The following PLCH1 variants were observed in gnomAD, a reference collection of about 807,000 sequenced individuals.
PLCH1 encodes the protein phospholipase C eta 1.
In PLCH1, 60 loss-of-function variants were observed where a neutral mutation model predicts 126.7. That is an observed-to-expected ratio of 0.47 (90% confidence interval 0.38 to 0.59). The LOEUF is 0.59. PLCH1 is among the 20% of genes least tolerant of loss of function. The pLI is 0.00. For missense variants in PLCH1, 1,723 were observed against 2,040.0 expected (o/e 0.84, Z 2.99); for synonymous variants, 719 against 734.9 (o/e 0.98, Z 0.35).
At chr3:155,622,114 T>C (rs1162095715) in intron 2 of PLCH1, among the ~76,000 whole-genome samples, 1 of 152,074 alleles carries the variant, frequency 6.6e-6, no homozygotes, top group Non-Finnish European at 1.5e-5. Flanking sequence ...TATTCAACAT[T>C]CCTAAAAAAA....
intron 4 of PLCH1, among the ~76,000 whole-genome samples, chr3:155,589,619 G>C (rs1057272590): frequency 6.6e-6 from 1 of 152,134 alleles, no homozygotes; most frequent in African/African-American, 2.4e-5. Flanking sequence ...CCCTCATGGG[G>C]TCAAGAGATA....
At chr3:155,467,955 C>T (rs1000712494) in intron 21 of PLCH1, among the ~76,000 whole-genome samples, 2 of 152,110 alleles carry the variant, frequency 1.3e-5, no homozygotes, top group South Asian at 2.1e-4. Flanking sequence ...AAACACAGAG[C>T]ATTATAACAC....
rs1462521902 is a variant in PLCH1, at chr3:155,485,695, C to A, written c.2635G>T (p.Gly879Cys). ...EIYGKNRQLQ[G>C]LKGLFNKNPR... ...TTCTTATTGAACAGTCCCTTCAGAC[C>A]CTGGAGTTGTCTGTTCTGAAGACAC... The change falls in exon 22 of 23, where the codon GGT becomes TGT. Residue 879 changes from glycine to cysteine, a missense_variant. Physicochemically the swap from Gly to Cys is radical, Grantham distance 159 (BLOSUM62 -3). This residue lies in a region of PLCH1 where 947 missense variants were observed against 977.1 expected (regional missense o/e 0.97). Transcript: ENST00000460012. The A allele has an allele frequency of 6.3e-7, 1 of 1,597,390 alleles. No homozygotes were observed. The highest frequency in any genetic ancestry group is 1.1e-5 in the South Asian group (1 of 90,880).
At chr3:155,735,642 A>T (rs1749126223) in intron 1 of PLCH1, among the ~76,000 whole-genome samples, 1 of 152,056 alleles carries the variant, frequency 6.6e-6, no homozygotes, top group African/African-American at 2.4e-5. Context: ...TCAAAAAAAA[A>T]AAAAAAACTG....
At chr3:155,514,451 C>T (rs1720030704) in intron 12 of PLCH1, among the ~76,000 whole-genome samples, 1 of 152,158 alleles carries the variant, frequency 6.6e-6, no homozygotes, top group Non-Finnish European at 1.5e-5. Flanking sequence ...AACTTCTTCC[C>T]TCACCTGAGC....
chr3:155,621,338 A>C (rs968520226), intron 2 of PLCH1, among the ~76,000 whole-genome samples: 4 of 152,202 alleles, frequency 2.6e-5, no homozygotes, highest in South Asian at 2.1e-4. Flanking sequence ...AAATTCCAAA[A>C]ACCAAAATGC....
intron 10 of PLCH1, among the ~76,000 whole-genome samples, chr3:155,537,223 A>AAAAC (rs1723541601): frequency 1.6e-3 from 17 of 10,762 alleles, no homozygotes; most frequent in Non-Finnish European, 0.013. Context: ...AAAAAAAAAA[A>AAAAC]AAAAAAAAAA....
At chr3:155,636,393 G>A (rs748805811) in intron 2 of PLCH1, among the ~76,000 whole-genome samples, 3 of 152,150 alleles carry the variant, frequency 2.0e-5, no homozygotes, top group Non-Finnish European at 4.4e-5. Flanking sequence ...TATCATTTTG[G>A]GAAATTTTTT....
intron 2 of PLCH1, among the ~76,000 whole-genome samples, chr3:155,693,502 A>C (rs1205681181): frequency 6.6e-6 from 1 of 151,632 alleles, no homozygotes; most frequent in Non-Finnish European, 1.5e-5. Context: ...AAAAGAAAGC[A>C]CAGACTTAAA....
rs1403438820 is a variant in PLCH1, at chr3:155,468,822, G to A, written c.2938+16534C>T. ...AGCTAGGCCCCAATACAATAGTAGT[G>A]GGAGACATCAACACTCCACTTTCAG... is the stretch of plus-strand genomic sequence containing the variant. On this transcript the variant is annotated intron_variant, in intron 21 of 21. Transcript: ENST00000494598. Among the ~76,000 whole-genome samples, 6 of 152,092 alleles carry A rather than the reference G, an allele frequency of 3.9e-5. No homozygotes were observed. The East Asian group carries it at 1.2e-3, about 29-fold the overall frequency.
chr3:155,602,740 C>T (rs1204479119), intron 2 of PLCH1, among the ~76,000 whole-genome samples: 1 of 152,074 alleles, frequency 6.6e-6, no homozygotes, highest in Admixed American at 6.5e-5. Context: ...CTCACAGGAA[C>T]CACTGTCATA....
In PLCH1 at chr3:155,549,873, C is replaced by T; in HGVS notation, c.1276G>A (p.Asp426Asn). Residue 426 changes from aspartate (D) to asparagine (N), a missense_variant, in exon 10 of 23, where the codon GAC becomes AAC. Around this residue, in one of 2 missense-constraint regions of PLCH1, gnomAD observed 776 missense variants for 1,062.9 expected, o/e 0.73. Coordinates refer to ENST00000460012, the MANE Select transcript of PLCH1 (RefSeq NM_014996.4). ...IAQYLKGIFG[D>N]KLDLSSVDTG... ...TCAACAGATGACAGGTCCAGTTTGT[C>T]TCCGAATATTCCTTTCAGGTACTGA... 1 of 1,613,840 alleles carries T rather than the reference C, an allele frequency of 6.2e-7. No homozygotes were observed. The highest frequency in any genetic ancestry group is 8.5e-7 in the Non-Finnish European group (1 of 1,179,736).
intron 1 of PLCH1, among the ~76,000 whole-genome samples, chr3:155,720,069 C>T (rs1747834743): frequency 6.6e-6 from 1 of 152,212 alleles, no homozygotes; most frequent in Non-Finnish European, 1.5e-5. Flanking sequence ...GCTGGGATTA[C>T]AGGCGTGAGC....
At chr3:155,568,137 T>C (rs1459968339) in intron 7 of PLCH1, 94 bp downstream of exon 7, 2 of 630,706 alleles carry the variant, frequency 3.2e-6, no homozygotes, top group African/African-American at 1.9e-5. Context: ...ATCCCATGGA[T>C]ATGTCCTGAT....
chr3:155,608,142 G>C (rs540959277), intron 2 of PLCH1, among the ~76,000 whole-genome samples: 32 of 152,258 alleles, frequency 2.1e-4, no homozygotes, highest in Admixed American at 1.9e-3. Flanking sequence ...GAAGCAGCAG[G>C]AACAGCCCTG....
intron 10 of PLCH1, among the ~76,000 whole-genome samples, chr3:155,532,732 T>C (rs1431212769): frequency 1.3e-5 from 2 of 152,202 alleles, no homozygotes; most frequent in African/African-American, 2.4e-5. Flanking sequence ...TGCTTCCTGC[T>C]AAGCCTGAGA....
rs33910257 is a variant in PLCH1, at chr3:155,656,175, CA to C, written c.79+47970del. 1.3e-3 allele frequency among the ~76,000 whole-genome samples: 193 copies of C among 151,212 alleles called. 1 individual carries two copies. Among genetic ancestry groups the C allele is most frequent in the African/African-American group, 4.4e-3 (183 of 41,342 alleles). ...AGGAATAGAGAAAATTACCCCCCCC[CA>C]AATAAAAACTACCACCACAAAGAAG... On this transcript the variant is annotated intron_variant, in intron 2 of 22. Coordinates refer to ENST00000460012, the MANE Select transcript of PLCH1 (RefSeq NM_014996.4).
At chr3:155,562,949 C>T (rs1727829672) in intron 8 of PLCH1, among the ~76,000 whole-genome samples, 1 of 152,176 alleles carries the variant, frequency 6.6e-6, no homozygotes, top group South Asian at 2.1e-4. Context: ...ACTAACATAT[C>T]ACCAACCTAC....
At chr3:155,558,485 T>G (rs1727120700) in intron 8 of PLCH1, among the ~76,000 whole-genome samples, 1 of 152,212 alleles carries the variant, frequency 6.6e-6, no homozygotes, top group Non-Finnish European at 1.5e-5. Flanking sequence ...CATACACCCT[T>G]GTTTTTTTCC....
Sources: allele counts gnomAD v4.1 joint callset (sites outside exome capture counted in the v4.1 genomes callset), GRCh38; gene constraint gnomAD v4.1.1; regional missense constraint gnomAD v4.1.1; transcripts MANE v1.5; gene names NCBI Gene and HGNC (gene_info 2026-07-23, HGNC 2026-07-21).